The following AP3S2 variants were observed in gnomAD, a reference collection of about 807,000 sequenced individuals.
AP3S2 encodes the protein adaptor related protein complex 3 subunit sigma 2, also known as AP-3 complex subunit sigma-2.
AP3S2 carries 22 observed loss-of-function variants against 23.4 expected under a neutral mutation model. The ratio of observed to expected loss-of-function variants is 0.94; its 90% CI spans 0.67 to 1.34. AP3S2 has a LOEUF of 1.34. AP3S2 is among the 40% of genes most tolerant of loss of function. The pLI is 0.00. For synonymous variants in AP3S2, 86 were observed against 87.1 expected, an observed-to-expected ratio of 0.99 and a Z score of 0.07; for missense variants, 241 against 236.9, an observed-to-expected ratio of 1.02 and a Z score of -0.11.
At chr15:89,879,709 G>A (rs1896525440) in intron 3 of AP3S2, among the ~76,000 whole-genome samples, 1 of 152,024 alleles carries the variant, frequency 6.6e-6, no homozygotes, top group Admixed American at 6.6e-5. Context: ...GGGTTCAAGT[G>A]ATTTTCCTGC....
At position 89,888,920 on chromosome 15, in the gene AP3S2, C is replaced by CAGAT; in HGVS notation, c.161+125_161+128dup. The CAGAT allele has an allele frequency of 2.8e-6, 3 of 1,052,992 alleles. No individual in the cohort carries two copies. The South Asian group carries it at 4.3e-5, about 15-fold the overall frequency. 65.2% of individuals were successfully genotyped at this position (1,052,992 alleles called of 1,614,324 possible). Reference sequence around the variant, plus strand: ...AAAGAGAATTGTGTCTCTCCCTGAGCAGATCATGGTGAGACCAGCTAAAGT... The same window carrying CAGAT: ...AAAGAGAATTGTGTCTCTCCCTGAGCAGATAGATCATGGTGAGACCAGCTAAAGT... On this transcript the variant is annotated intron_variant, in intron 2 of 5. Transcript: ENST00000336418.
At chr15:89,842,761 C>CCT (rs1895361647) in intron 4 of AP3S2, among the ~76,000 whole-genome samples, 1 of 151,350 alleles carries the variant, frequency 6.6e-6, no homozygotes, top group Non-Finnish European at 1.5e-5. Flanking sequence ...TATAGGCATG[C>CCT]GCCACCATGC....
chr15:89,834,997 A>G lies in AP3S2; in HGVS notation c.*518T>C, dbSNP rs1895155519. On this transcript the variant is annotated 3_prime_UTR_variant, in exon 6 of 6. Transcript: ENST00000336418. The stretch of plus-strand genomic sequence containing the variant: ...CTGGTTCTCCTAAAATTCTGCCCTT[A>G]CTTGCCACTCACCACACCCCCAGAT... 1 of 156,846 alleles carries G rather than the reference A, an allele frequency of 6.4e-6. No homozygotes were observed. Among genetic ancestry groups the G allele is most frequent in the Admixed American group, 6.5e-5 (1 of 15,396 alleles). 9.7% of individuals were successfully genotyped at this position (156,846 alleles called of 1,614,324 possible).
chr15:89,859,720 A>C (rs1294841930), intron 4 of AP3S2, among the ~76,000 whole-genome samples: 1 of 147,562 alleles, frequency 6.8e-6, no homozygotes, highest in Non-Finnish European at 1.5e-5. Flanking sequence ...TTCTAAACAA[A>C]TTACAGGGAT....
chr15:89,871,630 G>C (rs1896321181), intron 3 of AP3S2, 84 bp from the exon 4 acceptor site: 2 of 1,387,658 alleles, frequency 1.4e-6, no homozygotes, highest in African/African-American at 1.5e-5. Flanking sequence ...AAGTAAAAGG[G>C]GCTGTCACAA....
intron 3 of AP3S2, among the ~76,000 whole-genome samples, chr15:89,881,691 T>C (rs923309975): frequency 2.6e-5 from 4 of 152,170 alleles, no homozygotes; most frequent in Non-Finnish European, 4.4e-5. Context: ...AAAGGAAGCA[T>C]GATTAATAAA....
intron 4 of AP3S2, among the ~76,000 whole-genome samples, chr15:89,844,219 CTT>C (rs1478198905): frequency 1.1e-4 from 3 of 26,830 alleles, no homozygotes; most frequent in Non-Finnish European, 1.6e-4. Context: ...CTCTTTCTTT[CTT>C]TCTTTCTTTC....
At chr15:89,890,609 G>T (rs1896797964) in intron 1 of AP3S2, among the ~76,000 whole-genome samples, 1 of 152,196 alleles carries the variant, frequency 6.6e-6, no homozygotes, top group Admixed American at 6.5e-5. Flanking sequence ...GTTAAGTCCT[G>T]AGATGCAAGT....
At chr15:89,844,114 G>A (rs12914541) in intron 4 of AP3S2, among the ~76,000 whole-genome samples, 56,385 of 152,014 alleles carry the variant, frequency 0.37, 12,280 homozygotes, top group Non-Finnish European at 0.49. Flanking sequence ...GACTTTTCCC[G>A]TGAATGTTCA....
At position 89,832,250 on chromosome 15, in the gene AP3S2, GC is replaced by G. The variant is rs2141828034; in HGVS notation, c.*3264del. 2.0e-5 allele frequency: 3 copies of G among 152,270 alleles called. No homozygotes were observed. The South Asian group carries it at 6.2e-4, about 32-fold the overall frequency. The allele number at this position is 152,270 out of a possible 1,614,324, so 9.4% of individuals were successfully genotyped here. A position where few individuals can be genotyped will look rare whatever the true frequency, so the allele number is the denominator to read the frequency against. ...GCTTGAGGTAAGGAGTTAGAGACCA[GC>G]CTGTGCAACATAGTGAGACCTTATT... On this transcript the variant is annotated 3_prime_UTR_variant, in exon 6 of 6. Coordinates refer to ENST00000336418, the MANE Select transcript of AP3S2 (RefSeq NM_005829.5).
intron 4 of AP3S2, chr15:89,838,045 C>T (rs1895238684): frequency 6.8e-6 from 2 of 295,032 alleles, no homozygotes; most frequent in African/African-American, 4.4e-5. Context: ...AGTGCTTCAG[C>T]CTCCTTCCAG....
intron 3 of AP3S2, among the ~76,000 whole-genome samples, chr15:89,877,581 G>A (rs1896472613): frequency 6.6e-6 from 1 of 152,152 alleles, no homozygotes; most frequent in Non-Finnish European, 1.5e-5. Context: ...GGGCGCGGTG[G>A]CTCATGCCTG....
chr15:89,863,561 G>C (rs908430027), intron 4 of AP3S2, among the ~76,000 whole-genome samples: 1 of 152,198 alleles, frequency 6.6e-6, no homozygotes, highest in African/African-American at 2.4e-5. Context: ...AGGTGAAAAA[G>C]AGAGAAGCAG....
chr15:89,892,632 C>A (rs544350598), intron 1 of AP3S2, among the ~76,000 whole-genome samples: 1 of 152,092 alleles, frequency 6.6e-6, no homozygotes, highest in Admixed American at 6.6e-5. Context: ...AATAGTTACG[C>A]TGAATACTCA....
intron 4 of AP3S2, among the ~76,000 whole-genome samples, chr15:89,863,098 G>A (rs79898344): frequency 0.013 from 1,995 of 152,186 alleles, 48 homozygotes; most frequent in African/African-American, 0.046. Context: ...AAGATTAAGA[G>A]AGTGCTCCAC....
intron 4 of AP3S2, among the ~76,000 whole-genome samples, chr15:89,861,923 G>A (rs748083156): frequency 1.3e-5 from 2 of 152,160 alleles, no homozygotes; most frequent in African/African-American, 2.4e-5. Context: ...TGAATGACAG[G>A]CAGTATTTAG....
At position 89,853,572 on chromosome 15, in the gene AP3S2, C is replaced by G. The variant is rs531369065; in HGVS notation, c.346-15850G>C. Among the ~76,000 whole-genome samples, 196 of 149,844 alleles carry G rather than the reference C, an allele frequency of 1.3e-3. 2 individuals are homozygous for G. The highest frequency in any genetic ancestry group is 4.6e-3 in the African/African-American group (188 of 40,682). On this transcript the variant is annotated intron_variant, in intron 4 of 5. Transcript: ENST00000336418. Reference sequence around the variant, plus strand: ...GGAGTGTCTCTGCCTGGCCGCCCATCGTCTGGGATGTGAGGAGCCCCTCTG... The same window carrying G: ...GGAGTGTCTCTGCCTGGCCGCCCATGGTCTGGGATGTGAGGAGCCCCTCTG...
At chr15:89,857,679 TTC>T (rs1428916839) in intron 4 of AP3S2, among the ~76,000 whole-genome samples, 3 of 152,230 alleles carry the variant, frequency 2.0e-5, no homozygotes, top group South Asian at 2.1e-4. Flanking sequence ...TCCTCTATTT[TTC>T]TGTTACTAAA....
intron 4 of AP3S2, among the ~76,000 whole-genome samples, chr15:89,844,552 T>A (rs1895440494): frequency 2.0e-5 from 3 of 151,888 alleles, no homozygotes; most frequent in Non-Finnish European, 2.9e-5. Context: ...TCTTGCTATA[T>A]TGCTCAGGCT....
Sources: allele counts gnomAD v4.1 joint callset (sites outside exome capture counted in the v4.1 genomes callset), GRCh38; gene constraint gnomAD v4.1.1; transcripts MANE v1.5; gene names NCBI Gene and HGNC (gene_info 2026-07-23, HGNC 2026-07-21).